Variants in SPRY3 observed in about 807,000 individuals in gnomAD.
The protein encoded by SPRY3 is protein sprouty homolog 3.
SPRY3 carries 15 observed loss-of-function variants against 20.2 expected under a neutral mutation model. The observed-to-expected ratio is 0.74, with a 90% CI of 0.50 to 1.14. The LOEUF is 1.14. Among genes scored for constraint, SPRY3 ranks in the 50% most tolerant of loss-of-function variants. The pLI is 0.00. For synonymous variants in SPRY3, 143 were observed against 136.5 expected (o/e 1.05, Z -0.33); for missense variants, 364 against 363.9 (o/e 1.00, Z 0.00).
At chrX:155,673,064 G>A (rs1276619122) in intron 2 of SPRY3, among the ~76,000 whole-genome samples, 1 of 25,256 alleles carries the variant, frequency 4.0e-5, no homozygotes, top group Non-Finnish European at 9.4e-5. Flanking sequence ...GGGGACTGTT[G>A]TGGGGTGGGG....
chrX:155,712,823 T>G (rs1183451689), intron 2 of SPRY3, among the ~76,000 whole-genome samples: 1 of 151,982 alleles, frequency 6.6e-6, no homozygotes, highest in Non-Finnish European at 1.5e-5. Flanking sequence ...TCTTGTTTTT[T>G]ATTTTTTGTG....
At chrX:155,678,080 G>C (rs769949530) in intron 2 of SPRY3, among the ~76,000 whole-genome samples, 19 of 111,189 alleles carry the variant, frequency 1.7e-4, no homozygotes, top group Non-Finnish European at 3.4e-4. Context: ...GTTTGAAAAA[G>C]ACATAGCTAT....
At position 155,622,784 on chromosome X, in the gene SPRY3, C is replaced by T. The variant is rs1048380259; in HGVS notation, c.-441+10137C>T. 1.5e-4 allele frequency among the ~76,000 whole-genome samples: 17 copies of T among 111,642 alleles called. No individual in the cohort carries two copies. In the Admixed American group the frequency reaches 1.5e-3, roughly 10 times the overall value. ...TCAGTAACTTCTTGAGTCAAGCAGACCAACAGATGGGTCTGTAAATTTGGA... is the reference window on the plus strand; with the variant it reads ...TCAGTAACTTCTTGAGTCAAGCAGATCAACAGATGGGTCTGTAAATTTGGA... On this transcript the variant is annotated intron_variant, in intron 1 of 3. Coordinates refer to ENST00000675360, the Ensembl canonical transcript of SPRY3.
chrX:155,747,174 A>G (rs1351446397), intron 2 of SPRY3, among the ~76,000 whole-genome samples: 1 of 151,936 alleles, frequency 6.6e-6, no homozygotes, highest in Non-Finnish European at 1.5e-5. Flanking sequence ...GCACATAATT[A>G]TAGAATTCTG....
At chrX:155,714,051 GT>G (rs1470386700) in intron 2 of SPRY3, among the ~76,000 whole-genome samples, 8 of 151,988 alleles carry the variant, frequency 5.3e-5, no homozygotes, top group Admixed American at 3.3e-4. Flanking sequence ...TTCTTTTTAA[GT>G]TTTTAAATCT....
At chrX:155,742,567 C>A (rs2091208718) in intron 2 of SPRY3, among the ~76,000 whole-genome samples, 1 of 152,144 alleles carries the variant, frequency 6.6e-6, no homozygotes, top group Non-Finnish European at 1.5e-5. Flanking sequence ...ATGGCACTTA[C>A]TCTAAAATTG....
At chrX:155,745,264 G>A (rs1272372732) in intron 2 of SPRY3, among the ~76,000 whole-genome samples, 2 of 152,066 alleles carry the variant, frequency 1.3e-5, no homozygotes, top group Non-Finnish European at 1.5e-5. Context: ...GCAGGGTAAA[G>A]AGCTTTGATT....
At chrX:155,623,841 T>G (rs942167067) in intron 1 of SPRY3, among the ~76,000 whole-genome samples, 29 of 112,283 alleles carry the variant, frequency 2.6e-4, no homozygotes, top group African/African-American at 9.0e-4. Flanking sequence ...AAGCTCTCAC[T>G]CTAAGTGAAA....
At chrX:155,686,206 A>T (rs2068087355) in intron 2 of SPRY3, among the ~76,000 whole-genome samples, 1 of 111,047 alleles carries the variant, frequency 9.0e-6, no homozygotes, top group African/African-American at 3.3e-5. Flanking sequence ...TGCCCACTAG[A>T]TAATTTTCAT....
intron 2 of SPRY3, among the ~76,000 whole-genome samples, chrX:155,745,631 A>G (rs1342917089): frequency 6.6e-6 from 1 of 152,092 alleles, no homozygotes; most frequent in Admixed American, 6.6e-5. Flanking sequence ...AGATATAATG[A>G]TGTGACCTGG....
intron 2 of SPRY3, among the ~76,000 whole-genome samples, chrX:155,696,483 T>C (rs1046166224): frequency 9.0e-6 from 1 of 111,568 alleles, no homozygotes; most frequent in African/African-American, 3.3e-5. Context: ...AAAATCATTT[T>C]CCCAGAAGTC....
intron 2 of SPRY3, among the ~76,000 whole-genome samples, chrX:155,705,005 A>T (rs946431634): frequency 6.6e-6 from 1 of 151,574 alleles, no homozygotes; most frequent in Non-Finnish European, 1.5e-5. Flanking sequence ...TCTACAAGAT[A>T]AAGGAAAGTT....
chrX:155,647,039 G>A (rs2067960170), intron 1 of SPRY3, among the ~76,000 whole-genome samples: 1 of 111,743 alleles, frequency 8.9e-6, no homozygotes, highest in Non-Finnish European at 1.9e-5. Context: ...TTCTGCCTCT[G>A]TTGAGATGAT....
At chrX:155,711,495 C>T (rs1447981645) in intron 2 of SPRY3, among the ~76,000 whole-genome samples, 1 of 138,828 alleles carries the variant, frequency 7.2e-6, no homozygotes, top group Non-Finnish European at 1.5e-5. Context: ...GTATCAGTTG[C>T]TATGTCTTTG....
At chrX:155,775,684 A>C (rs2091420845) in exon 4 of SPRY3, 1 of 167,102 alleles carries the variant, frequency 6.0e-6, no homozygotes, top group African/African-American at 2.4e-5. Context: ...TAGTGCTGAC[A>C]GATTCCACTA....
chrX:155,709,976 T>G (rs985852750), intron 2 of SPRY3, among the ~76,000 whole-genome samples: 4 of 151,914 alleles, frequency 2.6e-5, no homozygotes, highest in African/African-American at 9.6e-5. Flanking sequence ...ACTGTAGGTA[T>G]GTGGATTTGT....
intron 2 of SPRY3, among the ~76,000 whole-genome samples, chrX:155,731,734 G>A (rs1018326162): frequency 2.6e-5 from 4 of 151,974 alleles, no homozygotes; most frequent in Admixed American, 1.3e-4. Flanking sequence ...CAGAGAATGG[G>A]AGAAAATATT....
intron 2 of SPRY3, among the ~76,000 whole-genome samples, chrX:155,740,737 C>T (rs1237854070): frequency 6.6e-6 from 1 of 152,062 alleles, no homozygotes; most frequent in Non-Finnish European, 1.5e-5. Flanking sequence ...TATGTTTTGC[C>T]TTTTGTCCTG....
At chrX:155,717,633 A>G (rs1425375445) in intron 2 of SPRY3, among the ~76,000 whole-genome samples, 5 of 149,600 alleles carry the variant, frequency 3.3e-5, no homozygotes, top group African/African-American at 1.2e-4. Context: ...TTCAACTCCC[A>G]CTTTTGAGTG....
Sources: allele counts gnomAD v4.1 joint callset (sites outside exome capture counted in the v4.1 genomes callset), GRCh38; gene constraint gnomAD v4.1.1; transcripts MANE v1.5; gene names NCBI Gene and HGNC (gene_info 2026-07-23, HGNC 2026-07-21).